The following NCAPH variants were observed in gnomAD, a reference collection of about 807,000 sequenced individuals.
NCAPH encodes condensin complex subunit 2.
In NCAPH, 38 loss-of-function variants were observed where a neutral mutation model predicts 85.5. The observed-to-expected ratio is 0.44, with a 90% CI of 0.34 to 0.58. The LOEUF (loss-of-function observed/expected upper bound fraction) is 0.58. Among genes scored for constraint, NCAPH ranks in the 20% least tolerant of loss-of-function variants. NCAPH has a pLI of 0.01. For synonymous variants in NCAPH, 301 were observed against 335.1 expected (o/e 0.90, Z 1.11); for missense variants, 789 against 916.6 (o/e 0.86, Z 1.80).
At chr2:96,361,099 A>G (rs1353274639) in intron 12 of NCAPH, among the ~76,000 whole-genome samples, 2 of 117,324 alleles carry the variant, frequency 1.7e-5, no homozygotes, top group African/African-American at 6.7e-5. Flanking sequence ...CCTAGGCTGG[A>G]GTGCAATGGT....
chr2:96,349,501 C>T (rs1057075548), intron 6 of NCAPH, among the ~76,000 whole-genome samples: 3 of 152,098 alleles, frequency 2.0e-5, no homozygotes, highest in African/African-American at 7.2e-5. Context: ...CCTGCTTCAG[C>T]CACCCAAGTA....
At chr2:96,348,380 G>A (rs1157963930) in intron 6 of NCAPH, among the ~76,000 whole-genome samples, 3 of 151,818 alleles carry the variant, frequency 2.0e-5, no homozygotes, top group African/African-American at 4.8e-5. Context: ...TAGGAGAGAC[G>A]GGGTTTCACC....
intron 6 of NCAPH, among the ~76,000 whole-genome samples, chr2:96,350,988 A>G (rs1294976311): frequency 6.6e-6 from 1 of 152,120 alleles, no homozygotes; most frequent in Non-Finnish European, 1.5e-5. Flanking sequence ...TTGGTGTCAT[A>G]TGGCCATGCC....
chr2:96,338,755 T>A (rs78659514), intron 1 of NCAPH, among the ~76,000 whole-genome samples: 3 of 152,194 alleles, frequency 2.0e-5, no homozygotes, highest in African/African-American at 7.2e-5. Context: ...GCCTCCAGAA[T>A]GAATGTAACC....
chr2:96,340,587 C>T (rs1270558708), intron 1 of NCAPH, among the ~76,000 whole-genome samples: 1 of 151,826 alleles, frequency 6.6e-6, no homozygotes. Context: ...GACGGGGTTT[C>T]ACCATATTGG....
Position 96,344,287 on chromosome 2 carries a change from A to G in NCAPH, c.720+58A>G, listed in dbSNP as rs890471956. ...CTAATTCAGAACCTTAGGGGCTGAG[A>G]CTTGGCAGGGCTAAGGCTGCCTTGC... On this transcript the variant is annotated intron_variant, in intron 6 of 17. Transcript: ENST00000240423. 3 of 1,537,212 alleles carry G rather than the reference A, an allele frequency of 2.0e-6. No homozygotes were observed. The African/African-American group carries it at 4.2e-5, about 21-fold the overall frequency.
At chr2:96,354,783 T>G (rs1334076555) in intron 9 of NCAPH, among the ~76,000 whole-genome samples, 2 of 152,208 alleles carry the variant, frequency 1.3e-5, no homozygotes, top group Non-Finnish European at 2.9e-5. Flanking sequence ...TTAGCCACTT[T>G]GGTTATAAAA....
At chr2:96,359,994 G>A in intron 10 of NCAPH, 149 bp from the exon 11 acceptor site, 1 of 572,912 alleles carries the variant, frequency 1.7e-6, no homozygotes, top group Non-Finnish European at 3.2e-6. Flanking sequence ...GAGGGTGTGT[G>A]ATTGAGCACT....
At chr2:96,362,161 A>G (rs1245982557) in intron 12 of NCAPH, among the ~76,000 whole-genome samples, 1 of 151,964 alleles carries the variant, frequency 6.6e-6, no homozygotes, top group African/African-American at 2.4e-5. Context: ...CTGAGGCTAT[A>G]GTAAGCTATG....
Position 96,342,091 on chromosome 2 carries a change from C to T in NCAPH, c.314C>T (p.Thr105Met), listed in dbSNP as rs754883001. Residue 105 changes from threonine to methionine, a missense_variant, in exon 3 of 18, where the codon ACG (threonine) becomes ATG (methionine). Coordinates refer to ENST00000240423, the MANE Select transcript of NCAPH (RefSeq NM_015341.5). ...GCTACTATCCCCAAGTTTACAAACA[C>T]GCAGATTACGGAACATTACTCCACC... ...ISATIPKFTN[T>M]QITEHYSTCI... 1.9e-5 allele frequency: 30 copies of T among 1,612,536 alleles called. No individual in the cohort carries two copies. The highest frequency in any genetic ancestry group is 2.2e-5 in the East Asian group (1 of 44,854).
At position 96,354,785 on chromosome 2, in the gene NCAPH, G is replaced by A. The variant is rs550598716; in HGVS notation, c.1208+397G>A. Among the ~76,000 whole-genome samples, 150 of 152,294 alleles carry A rather than the reference G, an allele frequency of 9.8e-4. 1 individual carries two copies. The highest frequency in any genetic ancestry group is 3.4e-3 in the Middle Eastern group (1 of 294). On this transcript the variant is annotated intron_variant, in intron 9 of 17. Coordinates refer to ENST00000240423, the MANE Select transcript of NCAPH (RefSeq NM_015341.5). ...TTTGAATGTCGGCTTAGCCACTTTGGTTATAAAACTGACATTGCAAGAGTT... is the reference window on the plus strand; with the variant it reads ...TTTGAATGTCGGCTTAGCCACTTTGATTATAAAACTGACATTGCAAGAGTT...
chr2:96,364,096 C>A (rs2064663245), intron 12 of NCAPH, among the ~76,000 whole-genome samples: 1 of 152,200 alleles, frequency 6.6e-6, no homozygotes, highest in Non-Finnish European at 1.5e-5. Context: ...GTCACCGTGC[C>A]TGGCTGGTAA....
intron 6 of NCAPH, among the ~76,000 whole-genome samples, chr2:96,344,531 G>A (rs2064337763): frequency 6.6e-6 from 1 of 152,144 alleles, no homozygotes; most frequent in Admixed American, 6.5e-5. Flanking sequence ...AACATTTAAT[G>A]TACACATAGT....
At chr2:96,365,658 C>T (rs1031344511) in intron 13 of NCAPH, among the ~76,000 whole-genome samples, 4 of 152,118 alleles carry the variant, frequency 2.6e-5, no homozygotes, top group Admixed American at 6.5e-5. Flanking sequence ...TTTTAACTCC[C>T]GCTCAAAAGG....
intron 17 of NCAPH, among the ~76,000 whole-genome samples, chr2:96,372,051 G>A (rs1244046938): frequency 6.6e-6 from 1 of 152,260 alleles, no homozygotes; most frequent in Admixed American, 6.5e-5. Flanking sequence ...TGAGCGTTCT[G>A]TCTTTAGTGG....
chr2:96,349,505 C>G (rs1371957527), intron 6 of NCAPH, among the ~76,000 whole-genome samples: 1 of 152,078 alleles, frequency 6.6e-6, no homozygotes, highest in East Asian at 1.9e-4. Flanking sequence ...CTTCAGCCAC[C>G]CAAGTAGCTG....
chr2:96,358,715 G>A (rs1479833833), intron 9 of NCAPH, among the ~76,000 whole-genome samples: 3 of 152,132 alleles, frequency 2.0e-5, no homozygotes, highest in Non-Finnish European at 2.9e-5. Flanking sequence ...TGATCCGCCC[G>A]CCTTGGCCTC....
chr2:96,364,331 T>G, intron 12 of NCAPH, 150 bp from the exon 13 acceptor site: 1 of 563,196 alleles, frequency 1.8e-6, no homozygotes, highest in South Asian at 2.2e-5. Flanking sequence ...TGGAAAAGTC[T>G]GTTAGACTTA....
In NCAPH at chr2:96,374,003, G is replaced by A. The variant is rs1208015476; in HGVS notation, c.*652G>A. Among the ~76,000 whole-genome samples the A allele has an allele frequency of 2.6e-5, 4 of 152,230 alleles. No individual in the cohort carries two copies. Among genetic ancestry groups the A allele is most frequent in the Non-Finnish European group, 5.9e-5 (4 of 68,032 alleles). ...AGGAGAATGGAAGAGAGAGATTGCT[G>A]ACTGGACATTCAGATGCAAGACTGG... is the stretch of plus-strand genomic sequence containing the variant. On this transcript the variant is annotated 3_prime_UTR_variant, in exon 18 of 18. Transcript: ENST00000240423.
Sources: gnomAD v4.1 joint callset for allele counts (sites outside exome capture counted in the v4.1 genomes callset) on GRCh38, gnomAD v4.1.1 for gene constraint, MANE v1.5 for transcripts, NCBI Gene and HGNC (gene_info 2026-07-23, HGNC 2026-07-21) for gene names.